Variants in ASB18 observed in about 807,000 individuals in gnomAD.
ASB18 encodes the protein ankyrin repeat and SOCS box containing 18.
A neutral mutation model predicts 33.4 loss-of-function variants in ASB18; 33 were observed. The observed-to-expected ratio is 0.99, with a 90% CI of 0.75 to 1.32. ASB18 has a LOEUF of 1.32. Among genes scored for constraint, ASB18 ranks in the 40% most tolerant of loss-of-function variants. The pLI is 0.00. For missense variants in ASB18, 694 were observed against 655.5 expected (o/e 1.06, Z -0.64); for synonymous variants, 295 against 307.6 (o/e 0.96, Z 0.43).
chr2:236,241,414 G>A lies in ASB18; in HGVS notation c.206-12C>T. The A allele has an allele frequency of 3.7e-6, 6 of 1,613,920 alleles. No individual in the cohort carries two copies. Among genetic ancestry groups the A allele is most frequent in the Non-Finnish European group, 5.1e-6 (6 of 1,179,844 alleles). Reference sequence around the variant, plus strand: ...ATGGTCGAGGTCCCCTGCGACCAGGGCAGTGTGGTACTCCTGCACCGGGGA... The same window carrying A: ...ATGGTCGAGGTCCCCTGCGACCAGGACAGTGTGGTACTCCTGCACCGGGGA... On this transcript the variant is annotated splice_polypyrimidine_tract_variant and intron_variant, in intron 1 of 5. Transcript: ENST00000409749. The surrounding 1 kb of genome is among the most constrained non-coding windows in gnomAD (Gnocchi z 4.2).
Position 236,219,801 on chromosome 2 carries a change from T to G in ASB18, c.597-4935A>C, listed in dbSNP as rs2060502760. Among the ~76,000 whole-genome samples, 3 of 152,106 alleles carry G rather than the reference T, an allele frequency of 2.0e-5. No homozygotes were observed. ...TTACTCCAAGGCAAGATTTTGTGAG[T>G]GGGTTTCCTGCTGTCCTGATAGAAA... On this transcript the variant is annotated intron_variant, in intron 3 of 5. Transcript: ENST00000409749. The surrounding 1 kb of genome is among the most constrained non-coding windows in gnomAD (Gnocchi z 6.4).
intron 4 of ASB18, among the ~76,000 whole-genome samples, chr2:236,207,407 T>C (rs72620809): frequency 0.17 from 26,160 of 152,268 alleles, 2,265 homozygotes; most frequent in South Asian, 0.25. Flanking sequence ...TATGTCTTCT[T>C]GTACTCCATA....
At position 236,222,593 on chromosome 2, in the gene ASB18, C is replaced by T. The variant is rs1244217115; in HGVS notation, c.597-7727G>A. Among the ~76,000 whole-genome samples, 2 of 152,110 alleles carry T rather than the reference C, an allele frequency of 1.3e-5. No homozygotes were observed. Among genetic ancestry groups the T allele is most frequent in the South Asian group, 4.2e-4 (2 of 4,818 alleles). Reference sequence around the variant, plus strand: ...GAAATCTCATATTGAAATGTAATCCCCAATGCTGGGGGCAGGATGGGGCCT... The same window carrying T: ...GAAATCTCATATTGAAATGTAATCCTCAATGCTGGGGGCAGGATGGGGCCT... On this transcript the variant is annotated intron_variant, in intron 3 of 5. Coordinates refer to ENST00000409749, the MANE Select transcript of ASB18 (RefSeq NM_212556.4). The surrounding 1 kb of genome is among the most constrained non-coding windows in gnomAD (Gnocchi z 5.5).
chr2:236,246,991 G>T (rs1426173892), intron 1 of ASB18, among the ~76,000 whole-genome samples: 1 of 152,176 alleles, frequency 6.6e-6, no homozygotes, highest in African/African-American at 2.4e-5. Flanking sequence ...GACACTAGAG[G>T]TAAGTCCAGG....
intron 3 of ASB18, among the ~76,000 whole-genome samples, chr2:236,224,678 C>G (rs529838732): frequency 4.6e-5 from 7 of 152,342 alleles, no homozygotes; most frequent in South Asian, 2.1e-4. Flanking sequence ...AACACGGACT[C>G]TCTCTGAGCC....
rs1384889946 is a variant in ASB18 at position 236,229,327 on chromosome 2, A to T, written c.596+8362T>A. 6.6e-6 allele frequency among the ~76,000 whole-genome samples: 1 copy of T among 152,196 alleles called. No individual in the cohort carries two copies. Among genetic ancestry groups the T allele is most frequent in the African/African-American group, 2.4e-5 (1 of 41,452 alleles). On this transcript the variant is annotated intron_variant, in intron 3 of 5. Coordinates refer to ENST00000409749, the MANE Select transcript of ASB18 (RefSeq NM_212556.4). This position sits in a 1 kb window ranked among gnomAD's most constrained non-coding sequence, Gnocchi z 5.2. ...GTATTTCAGAAGAGAAGATCAATCAATCAATCAGAGAGAGAGGCTGAGCAA... is the reference window on the plus strand; with the variant it reads ...GTATTTCAGAAGAGAAGATCAATCATTCAATCAGAGAGAGAGGCTGAGCAA...
rs1056097978 is a variant in ASB18 at position 236,222,768 on chromosome 2, C to A, written c.597-7902G>T. Among the ~76,000 whole-genome samples, 2 of 152,148 alleles carry A rather than the reference C, an allele frequency of 1.3e-5. No individual in the cohort carries two copies. Among genetic ancestry groups the A allele is most frequent in the African/African-American group, 2.4e-5 (1 of 41,416 alleles). ...GGTGTGGTGGCTCACGCCTGTAATC[C>A]CAACACTTTGGGAGGCCGAGGTATG... On this transcript the variant is annotated intron_variant, in intron 3 of 5. Coordinates refer to ENST00000409749, the MANE Select transcript of ASB18 (RefSeq NM_212556.4). This position sits in a 1 kb window ranked among gnomAD's most constrained non-coding sequence, Gnocchi z 5.5.
Position 236,245,131 on chromosome 2 carries a change from CG to C in ASB18, c.206-3730del. On this transcript the variant is annotated intron_variant, in intron 1 of 5. Coordinates refer to ENST00000409749, the MANE Select transcript of ASB18 (RefSeq NM_212556.4). The surrounding 1 kb of genome is among the most constrained non-coding windows in gnomAD (Gnocchi z 4.7). ...TGGCCATGACCCAAATTGGTTGCCA[CG>C]GGGGCCGTAGGTTTATTTTTTACCA... is the stretch of plus-strand genomic sequence containing the variant. 6.6e-6 allele frequency among the ~76,000 whole-genome samples: 1 copy of C among 152,218 alleles called. No homozygotes were observed. The highest frequency in any genetic ancestry group is 6.5e-5 in the Admixed American group (1 of 15,298).
rs1233255608 is a variant in ASB18 at position 236,211,590 on chromosome 2, T to C, written c.1101+2772A>G. Reference sequence around the variant, plus strand: ...TGCCCTGTGACAGTGCTGGTGACTCTACGCTCGGCTCGCCATGGCGCCCGT... The same window carrying C: ...TGCCCTGTGACAGTGCTGGTGACTCCACGCTCGGCTCGCCATGGCGCCCGT... On this transcript the variant is annotated intron_variant, in intron 4 of 5. Transcript: ENST00000409749. This position sits in a 1 kb window ranked among gnomAD's most constrained non-coding sequence, Gnocchi z 5.0. Among the ~76,000 whole-genome samples, 2 of 152,244 alleles carry C rather than the reference T, an allele frequency of 1.3e-5. No individual in the cohort carries two copies. Among genetic ancestry groups the C allele is most frequent in the Non-Finnish European group, 2.9e-5 (2 of 68,048 alleles).
At chr2:236,198,247 T>TG (rs2060383492) in intron 4 of ASB18, among the ~76,000 whole-genome samples, 1 of 152,234 alleles carries the variant, frequency 6.6e-6, no homozygotes, top group African/African-American at 2.4e-5. Flanking sequence ...ATGCTAATGT[T>TG]TTATGTGTTT....
chr2:236,246,733 C>T (rs1559337504), intron 1 of ASB18, among the ~76,000 whole-genome samples: 2 of 152,190 alleles, frequency 1.3e-5, no homozygotes, highest in South Asian at 4.1e-4. Flanking sequence ...ATCTCCTTCC[C>T]CCTTCATTTA....
chr2:236,216,667 A>C lies in ASB18; in HGVS notation c.597-1801T>G, dbSNP rs545179622. Among the ~76,000 whole-genome samples, 1 of 152,296 alleles carries C rather than the reference A, an allele frequency of 6.6e-6. No homozygotes were observed. Among genetic ancestry groups the C allele is most frequent in the African/African-American group, 2.4e-5 (1 of 41,552 alleles). ...GGCCACATCGTTTCTCGGAATGCTT[A>C]TAAGTCTCTTCATTTGCCCCTTGCT... On this transcript the variant is annotated intron_variant, in intron 3 of 5. Coordinates refer to ENST00000409749, the MANE Select transcript of ASB18 (RefSeq NM_212556.4). The surrounding 1 kb of genome is among the most constrained non-coding windows in gnomAD (Gnocchi z 6.1).
Position 236,248,611 on chromosome 2 carries a change from G to GAA in ASB18, c.206-7211_206-7210dup, listed in dbSNP as rs1193601764. ...CCGTCTCAAAAAAAAAAAAAAGAAA[G>GAA]AAAAAAGAGTCCCCAGGTACTTCTA... On this transcript the variant is annotated intron_variant, in intron 1 of 5. Coordinates refer to ENST00000409749, the MANE Select transcript of ASB18 (RefSeq NM_212556.4). This position sits in a 1 kb window ranked among gnomAD's most constrained non-coding sequence, Gnocchi z 4.9. 1 of 151,314 alleles carries GAA rather than the reference G, an allele frequency of 6.6e-6. No individual in the cohort carries two copies. The highest frequency in any genetic ancestry group is 1.5e-5 in the Non-Finnish European group (1 of 67,846). The allele number at this position is 151,314 out of a possible 1,614,324, so 9.4% of individuals were successfully genotyped here.
chr2:236,209,436 G>A lies in ASB18; in HGVS notation c.1101+4926C>T, dbSNP rs926653213. Among the ~76,000 whole-genome samples the A allele has an allele frequency of 5.3e-5, 8 of 152,056 alleles. No individual in the cohort carries two copies. The highest frequency in any genetic ancestry group is 1.9e-4 in the African/African-American group (8 of 41,380). The stretch of plus-strand genomic sequence containing the variant: ...TACAGTTGCATGCCACCATGCCCAG[G>A]TAATTTAATTTTTTGTGGAGATGGT... On this transcript the variant is annotated intron_variant, in intron 4 of 5. Coordinates refer to ENST00000409749, the MANE Select transcript of ASB18 (RefSeq NM_212556.4). This position sits in a 1 kb window ranked among gnomAD's most constrained non-coding sequence, Gnocchi z 4.4.
In ASB18 at chr2:236,257,570, A is replaced by G. The variant is rs60922648; in HGVS notation, c.205+6571T>C. On this transcript the variant is annotated intron_variant, in intron 1 of 5. Transcript: ENST00000409749. The surrounding 1 kb of genome is among the most constrained non-coding windows in gnomAD (Gnocchi z 5.5). ...TGTGCGTGTGTACATATGCATATGT[A>G]TGCTTCATGTCAGATTAAAGGGTTG... Among the ~76,000 whole-genome samples, 13,766 of 152,212 alleles carry G rather than the reference A, an allele frequency of 0.09. 1,942 individuals carry two copies. Among genetic ancestry groups the G allele is most frequent in the African/African-American group, 0.3 (12,433 of 41,506 alleles).
intron 3 of ASB18, among the ~76,000 whole-genome samples, chr2:236,227,467 A>G (rs187719633): frequency 1.3e-5 from 2 of 152,342 alleles, no homozygotes; most frequent in Non-Finnish European, 2.9e-5. Context: ...TTTAATTCTC[A>G]TAACCATCCT....
rs1050992767 is a variant in ASB18 at position 236,200,765 on chromosome 2, A to C, written c.1102-4380T>G. On this transcript the variant is annotated intron_variant, in intron 4 of 5. Transcript: ENST00000409749. This position sits in a 1 kb window ranked among gnomAD's most constrained non-coding sequence, Gnocchi z 4.2. ...TGAATAAGCACCCTTTTCTCATTTG[A>C]AATTCACTGTAATTGTATTTTCAAT... Among the ~76,000 whole-genome samples the C allele has an allele frequency of 1.2e-4, 19 of 152,338 alleles. No individual in the cohort carries two copies. Among genetic ancestry groups the C allele is most frequent in the African/African-American group, 4.3e-4 (18 of 41,576 alleles).
At chr2:236,236,592 T>C (rs896992676) in intron 3 of ASB18, among the ~76,000 whole-genome samples, 1 of 151,786 alleles carries the variant, frequency 6.6e-6, no homozygotes, top group Non-Finnish European at 1.5e-5. Flanking sequence ...TTCCTCTTTC[T>C]CAAGACTGGC....
In ASB18 at chr2:236,214,227, T is replaced by G; in HGVS notation, c.1101+135A>C. On this transcript the variant is annotated intron_variant, in intron 4 of 5. Coordinates refer to ENST00000409749, the MANE Select transcript of ASB18 (RefSeq NM_212556.4). This position sits in a 1 kb window ranked among gnomAD's most constrained non-coding sequence, Gnocchi z 6.5. ...CCCACCCCAGACCGGCAGAGCAGAT[T>G]CTGCATTTTCACAAGTCCCCAGGGG... is the stretch of plus-strand genomic sequence containing the variant. 1.1e-6 allele frequency: 1 copy of G among 916,664 alleles called. No individual in the cohort carries two copies. The highest frequency in any genetic ancestry group is 1.6e-6 in the Non-Finnish European group (1 of 636,500). The allele number at this position is 916,664 out of a possible 1,614,324, so 56.8% of individuals were successfully genotyped here.
Sources: allele counts gnomAD v4.1 joint callset (sites outside exome capture counted in the v4.1 genomes callset), GRCh38; gene constraint gnomAD v4.1.1; non-coding constraint Gnocchi (gnomAD v3.1); transcripts MANE v1.5; gene names NCBI Gene and HGNC (gene_info 2026-07-23, HGNC 2026-07-21).